APBA1: variants seen among roughly 807,000 people sequenced by gnomAD.
The protein encoded by APBA1 is amyloid beta precursor protein binding family A member 1, also known as amyloid-beta A4 precursor protein-binding family A member 1.
A neutral mutation model predicts 86.6 loss-of-function variants in APBA1; 55 were observed. The observed-to-expected ratio is 0.64, with a 90% CI of 0.51 to 0.80. The LOEUF (loss-of-function observed/expected upper bound fraction) is 0.80. APBA1 is among the 30% of genes least tolerant of loss of function. The pLI, the probability that APBA1 is intolerant of heterozygous loss-of-function variation, is 0.00. For missense variants in APBA1, 1,090 were observed against 1,183.0 expected, an observed-to-expected ratio of 0.92 and a Z score of 1.15; for synonymous variants, 511 against 493.9, an observed-to-expected ratio of 1.03 and a Z score of -0.46.
chr9:69,529,579 A>G (rs376516105), intron 1 of APBA1, among the ~76,000 whole-genome samples: 1 of 152,102 alleles, frequency 6.6e-6, no homozygotes, highest in East Asian at 1.9e-4. Flanking sequence ...CTGCATTTAT[A>G]CTCTTCTAGT....
intron 1 of APBA1, among the ~76,000 whole-genome samples, chr9:69,658,284 C>CTTTCTTTCTTTTTCTTTCTTTCTTTCTT (rs370230255): frequency 1.3e-4 from 10 of 75,558 alleles, no homozygotes; most frequent in South Asian, 5.1e-4. Context: ...TTCTTTCTTT[C>CTTTCTTTCTTTTTCTTTCTTTCTTTCTT]TCTCTCTCTT....
At chr9:69,503,610 G>A (rs1233379099) in intron 2 of APBA1, among the ~76,000 whole-genome samples, 1 of 152,024 alleles carries the variant, frequency 6.6e-6, no homozygotes, top group African/African-American at 2.4e-5. Flanking sequence ...TATAACAACT[G>A]CTTTTACTGA....
chr9:69,482,975 G>A (rs1366796054), intron 2 of APBA1, among the ~76,000 whole-genome samples: 1 of 113,538 alleles, frequency 8.8e-6, no homozygotes, highest in Non-Finnish European at 1.8e-5. Context: ...GTTGTGGGGT[G>A]GGGGGAGGGG....
intron 5 of APBA1, chr9:69,464,045 C>T (rs1454305328): frequency 6.6e-6 from 1 of 152,402 alleles, no homozygotes; most frequent in Non-Finnish European, 1.5e-5. Flanking sequence ...AGAGCAGTGT[C>T]TCCCAAGCAC....
intron 2 of APBA1, among the ~76,000 whole-genome samples, chr9:69,489,553 G>A (rs1477832207): frequency 6.6e-6 from 1 of 151,294 alleles, no homozygotes; most frequent in African/African-American, 2.4e-5. Context: ...AAAAATGGGA[G>A]AAAATTTTCC....
intron 5 of APBA1, 66 bp downstream of exon 5, chr9:69,467,757 T>C (rs1466465992): frequency 6.3e-7 from 1 of 1,582,032 alleles, no homozygotes; most frequent in African/African-American, 1.3e-5. Flanking sequence ...TTGTGGCCAG[T>C]GTTGTAGACT....
intron 1 of APBA1, among the ~76,000 whole-genome samples, chr9:69,631,817 A>AAC (rs1227648287): frequency 2.0e-5 from 3 of 152,320 alleles, no homozygotes; most frequent in East Asian, 1.9e-4. Context: ...CAGAAAACCA[A>AAC]ATGCCGCATG....
intron 1 of APBA1, among the ~76,000 whole-genome samples, chr9:69,523,477 G>GTATATATATATATATATATATGTA (rs1163577400): frequency 3.7e-5 from 3 of 80,630 alleles, no homozygotes; most frequent in African/African-American, 1.1e-4. Context: ...ATATATATAT[G>GTATATATATATATATATATATGTA]TATATATATA....
At chr9:69,431,633 G>C (rs1250987425) in intron 12 of APBA1, among the ~76,000 whole-genome samples, 1 of 152,220 alleles carries the variant, frequency 6.6e-6, no homozygotes, top group African/African-American at 2.4e-5. Flanking sequence ...ACCAAGCAAG[G>C]CTTATTTCTC....
rs140856497 is a variant in APBA1 at position 69,566,915 on chromosome 9, C to T, written c.-69-49636G>A. On this transcript the variant is annotated intron_variant, in intron 1 of 12. Coordinates refer to ENST00000265381, the MANE Select transcript of APBA1 (RefSeq NM_001163.4). ...TTTGGTCACAGTCGGCCTCACCCTA[C>T]TTGTGTGTCAGGGCTGTGAGGGCTG... 8.6e-3 allele frequency among the ~76,000 whole-genome samples: 1,305 copies of T among 152,270 alleles called. 11 individuals carry two copies. The highest frequency in any genetic ancestry group is 0.031 in the Middle Eastern group (9 of 294).
chr9:69,445,036 C>T (rs1214364972), intron 10 of APBA1, among the ~76,000 whole-genome samples: 1 of 152,162 alleles, frequency 6.6e-6, no homozygotes, highest in Non-Finnish European at 1.5e-5. Flanking sequence ...TCAGGCAAAG[C>T]CACCTGCTTT....
At chr9:69,520,018 C>G (rs1281372188) in intron 1 of APBA1, among the ~76,000 whole-genome samples, 2 of 152,132 alleles carry the variant, frequency 1.3e-5, no homozygotes, top group Non-Finnish European at 2.9e-5. Flanking sequence ...CCTTATACCC[C>G]CATCCACAGA....
At chr9:69,672,610 C>G (rs1470703588), upstream of APBA1, 5 of 150,908 alleles carry the variant, frequency 3.3e-5, no homozygotes, top group Non-Finnish European at 7.4e-5. Context: ...GCTGCAGCGC[C>G]CCTGCCCCGG....
At chr9:69,582,589 G>A (rs1191911202) in intron 1 of APBA1, among the ~76,000 whole-genome samples, 1 of 152,058 alleles carries the variant, frequency 6.6e-6, no homozygotes, top group Admixed American at 6.5e-5. Flanking sequence ...CAAAATGGGG[G>A]AAATACCACT....
rs543776348 is a variant in APBA1 at position 69,522,108 on chromosome 9, A to G, written c.-69-4829T>C. On this transcript the variant is annotated intron_variant, in intron 1 of 12. Transcript: ENST00000265381. Reference sequence around the variant, plus strand: ...ACACATATATAAATTATATATATATATATGTGTGTGTGTATATATATAAAA... The same window carrying G: ...ACACATATATAAATTATATATATATGTATGTGTGTGTGTATATATATAAAA... Among the ~76,000 whole-genome samples, 972 of 151,818 alleles carry G rather than the reference A, an allele frequency of 6.4e-3. 1 individual carries two copies. The highest frequency in any genetic ancestry group is 0.014 in the Middle Eastern group (4 of 294).
chr9:69,575,845 A>T (rs1821783942), intron 1 of APBA1, among the ~76,000 whole-genome samples: 1 of 152,250 alleles, frequency 6.6e-6, no homozygotes, highest in African/African-American at 2.4e-5. Flanking sequence ...ACAAAAGCCA[A>T]AATTGACAAA....
intron 10 of APBA1, among the ~76,000 whole-genome samples, chr9:69,449,361 A>G (rs1197911142): frequency 1.3e-5 from 2 of 152,204 alleles, no homozygotes; most frequent in African/African-American, 2.4e-5. Flanking sequence ...GTGTCATGTG[A>G]ACCAAATACA....
At chr9:69,477,050 G>A (rs965730812) in intron 2 of APBA1, among the ~76,000 whole-genome samples, 11 of 152,216 alleles carry the variant, frequency 7.2e-5, no homozygotes, top group African/African-American at 2.7e-4. Context: ...TGAAATCTTG[G>A]GAGATGAAAG....
intron 1 of APBA1, among the ~76,000 whole-genome samples, chr9:69,659,539 C>T (rs1003212077): frequency 6.6e-6 from 1 of 152,192 alleles, no homozygotes; most frequent in Non-Finnish European, 1.5e-5. Flanking sequence ...ATCGCCTCTG[C>T]ATCCATCCAC....
Sources: allele counts gnomAD v4.1 joint callset (sites outside exome capture counted in the v4.1 genomes callset), GRCh38; gene constraint gnomAD v4.1.1; transcripts MANE v1.5; gene names NCBI Gene and HGNC (gene_info 2026-07-23, HGNC 2026-07-21).